The following HGD variants were observed in gnomAD, a reference collection of about 807,000 sequenced individuals.
The protein encoded by HGD is homogentisate 1,2-dioxygenase, also known as homogentisate oxidase.
Under a neutral mutation model 60.8 loss-of-function variants are expected in HGD, and 61 were observed. That is an observed-to-expected ratio of 1.00 (90% CI 0.82 to 1.24). The LOEUF is 1.24. Ranked by LOEUF, HGD falls within the 50% of genes most tolerant of loss-of-function variation. HGD has a pLI of 0.00. For missense variants in HGD, 542 were observed against 547.1 expected, an observed-to-expected ratio of 0.99 and a Z score of 0.09; for synonymous variants, 212 against 187.7, an observed-to-expected ratio of 1.13 and a Z score of -1.06.
intron 5 of HGD, 32 bp from the exon 6 acceptor site, chr3:120,650,897 A>G: frequency 1.3e-6 from 2 of 1,538,570 alleles, no homozygotes; most frequent in Non-Finnish European, 1.8e-6. Context: ...GGGAAAGGTT[A>G]ATGTGAACGG....
intron 4 of HGD, among the ~76,000 whole-genome samples, chr3:120,656,564 G>A (rs1009425258): frequency 2.5e-5 from 1 of 40,230 alleles, no homozygotes; most frequent in African/African-American, 5.5e-5. Context: ...TCTTTTTTTT[G>A]GGGGGGGGTT....
At chr3:120,643,059 G>T (rs1175470876) in intron 10 of HGD, among the ~76,000 whole-genome samples, 2 of 152,166 alleles carry the variant, frequency 1.3e-5, no homozygotes, top group East Asian at 3.8e-4. Context: ...TGCTTAAAAT[G>T]AATGTAGGTT....
At chr3:120,631,797 A>G (rs1041051240) in intron 13 of HGD, among the ~76,000 whole-genome samples, 9 of 152,184 alleles carry the variant, frequency 5.9e-5, no homozygotes, top group Admixed American at 1.3e-4. Flanking sequence ...GCCATCAGGT[A>G]TTCTGGCTCC....
chr3:120,654,812 C>T (rs1941445803), intron 4 of HGD, among the ~76,000 whole-genome samples: 1 of 152,154 alleles, frequency 6.6e-6, no homozygotes, highest in Non-Finnish European at 1.5e-5. Context: ...GTGGCTCACG[C>T]CTGTAATTCC....
chr3:120,643,326 G>C (rs1282135392), intron 10 of HGD, among the ~76,000 whole-genome samples: 2 of 152,214 alleles, frequency 1.3e-5, no homozygotes, highest in Non-Finnish European at 2.9e-5. Context: ...GTTTTGCCAT[G>C]TTGGCCAGGC....
At position 120,647,657 on chromosome 3, in the gene HGD, T is replaced by C. The variant is rs536087291; in HGVS notation, c.469+220A>G. Among the ~76,000 whole-genome samples, 14 of 152,262 alleles carry C rather than the reference T, an allele frequency of 9.2e-5. No homozygotes were observed. The East Asian group carries it at 2.5e-3, about 27-fold the overall frequency. ...CCACATCAGAAAGGTCCAGAAGAGA[T>C]GGGCAAAGACAGAGAGACAAGGAAA... On this transcript the variant is annotated intron_variant, in intron 7 of 13. Transcript: ENST00000283871.
intron 4 of HGD, among the ~76,000 whole-genome samples, chr3:120,662,812 C>T (rs926163567): frequency 6.6e-6 from 1 of 152,130 alleles, no homozygotes; most frequent in African/African-American, 2.4e-5. Context: ...GTTCCTCCTC[C>T]AAATTCATAT....
chr3:120,631,785 C>T (rs931154803), intron 13 of HGD, among the ~76,000 whole-genome samples: 1 of 152,172 alleles, frequency 6.6e-6, no homozygotes, highest in East Asian at 1.9e-4. Flanking sequence ...GTTGGACCCT[C>T]CGCCATCAGG....
intron 10 of HGD, among the ~76,000 whole-genome samples, chr3:120,644,061 T>C (rs1258399043): frequency 6.6e-6 from 1 of 152,222 alleles, no homozygotes; most frequent in Non-Finnish European, 1.5e-5. Flanking sequence ...GGCACAACCT[T>C]TGGAGTCAGA....
At chr3:120,649,446 G>T (rs868155235) in intron 6 of HGD, among the ~76,000 whole-genome samples, 6 of 151,928 alleles carry the variant, frequency 3.9e-5, no homozygotes, top group Non-Finnish European at 8.8e-5. Flanking sequence ...CCCGGCCTCC[G>T]TTGTCTTTTT....
At chr3:120,638,311 G>C (rs1025504277) in intron 12 of HGD, 144 bp downstream of exon 12, 11 of 972,660 alleles carry the variant, frequency 1.1e-5, no homozygotes, top group Non-Finnish European at 1.5e-5. Flanking sequence ...TTGGGGATCA[G>C]CACTAGGCCT....
intron 1 of HGD, among the ~76,000 whole-genome samples, chr3:120,677,542 T>G (rs1708154345): frequency 6.6e-6 from 1 of 152,200 alleles, no homozygotes; most frequent in South Asian, 2.1e-4. Flanking sequence ...CAGTTGATCC[T>G]AAAAACCCTG....
chr3:120,635,202 G>A (rs370295052), intron 12 of HGD, among the ~76,000 whole-genome samples: 9 of 152,290 alleles, frequency 5.9e-5, no homozygotes, highest in Admixed American at 5.2e-4. Flanking sequence ...TCTAGGCCGG[G>A]CTCAGTGGCT....
chr3:120,630,174 A>G (rs1214539389), intron 13 of HGD, among the ~76,000 whole-genome samples: 4 of 152,216 alleles, frequency 2.6e-5, no homozygotes, highest in African/African-American at 9.6e-5. Context: ...AGGAAGAATC[A>G]ACATCATTAA....
chr3:120,674,825 C>T lies in HGD; in HGVS notation c.176+76G>A, dbSNP rs1299103117. 7 of 976,446 alleles carry T rather than the reference C, an allele frequency of 7.2e-6. No homozygotes were observed. The African/African-American group carries it at 8.0e-5, about 11-fold the overall frequency. 60.5% of individuals were successfully genotyped at this position (976,446 alleles called of 1,614,324 possible). On this transcript the variant is annotated intron_variant, in intron 3 of 13. Coordinates refer to ENST00000283871, the MANE Select transcript of HGD (RefSeq NM_000187.4). The stretch of plus-strand genomic sequence containing the variant: ...TGGGCAGCTCTGGGAGGCTGTGGCC[C>T]AGGGGAAGGAGGCAGCACAAAGTCC...
intron 4 of HGD, among the ~76,000 whole-genome samples, chr3:120,658,125 TATAACC>T (rs1941555559): frequency 2.0e-5 from 3 of 152,186 alleles, no homozygotes. Context: ...CATGTCAAAA[TATAACC>T]ATGCCTTCCC....
chr3:120,633,527 C>T, intron 12 of HGD, 199 bp from the exon 13 acceptor site: 2 of 1,500,296 alleles, frequency 1.3e-6, no homozygotes, highest in Non-Finnish European at 1.8e-6. Flanking sequence ...CACAGCTCTA[C>T]TCCATGGCCA....
chr3:120,670,429 G>T lies in HGD; in HGVS notation c.280C>A (p.Gln94Lys). 1.3e-6 allele frequency: 2 copies of T among 1,528,142 alleles called. No individual in the cohort carries two copies. The highest frequency in any genetic ancestry group is 1.8e-6 in the Non-Finnish European group (2 of 1,101,558). 94.7% of individuals were successfully genotyped at this position (1,528,142 alleles called of 1,614,324 possible). ...TTCAATTCACAGGACCAGGTTACCT[G>T]GTTAGGATCAGGATCAACTTCATCC... Reference protein sequence around the residue: ...NWDEVDPDPNQLRWKPFEIPK... With the variant: ...NWDEVDPDPNKLRWKPFEIPK... Residue 94 changes from glutamine to lysine, a missense_variant and splice_region_variant, in exon 4 of 14, where the codon CAG becomes AAG. Transcript: ENST00000283871.
chr3:120,677,451 G>C (rs1284373330), intron 1 of HGD, among the ~76,000 whole-genome samples: 1 of 152,140 alleles, frequency 6.6e-6, no homozygotes, highest in Non-Finnish European at 1.5e-5. Context: ...GACTGCAGGG[G>C]TGAAATAGAC....
Sources: allele counts gnomAD v4.1 joint callset (sites outside exome capture counted in the v4.1 genomes callset), GRCh38; gene constraint gnomAD v4.1.1; transcripts MANE v1.5; gene names NCBI Gene and HGNC (gene_info 2026-07-23, HGNC 2026-07-21).